Variants in GOT2 observed in about 807,000 individuals in gnomAD.
GOT2 encodes glutamic-oxaloacetic transaminase 2.
Under a neutral mutation model 50.0 loss-of-function variants are expected in GOT2, and 17 were observed. The ratio of observed to expected loss-of-function variants is 0.34; its 90% CI spans 0.23 to 0.51. GOT2 has a LOEUF of 0.51. GOT2 is among the 20% of genes least tolerant of loss of function. The probability of loss-of-function intolerance (pLI) is 0.97; values close to 1 mark genes in which losing one functional copy is unlikely to be tolerated. For missense variants in GOT2, 430 were observed against 559.6 expected, an observed-to-expected ratio of 0.77 and a Z score of 2.34; for synonymous variants, 172 against 204.9, an observed-to-expected ratio of 0.84 and a Z score of 1.37.
rs2044715149 is a variant in GOT2, at chr16:58,718,637, C to T, written c.487G>A (p.Gly163Arg). 2.5e-6 allele frequency: 4 copies of T among 1,606,266 alleles called. No homozygotes were observed. In the African/African-American group the frequency reaches 4.0e-5, roughly 16 times the overall value. Residue 163 changes from glycine (G) to arginine (R), a missense_variant, in exon 5 of 10, where the codon GGA (glycine) becomes AGA (arginine). Physicochemically the swap from Gly to Arg is moderately radical, Grantham distance 125. Coordinates refer to ENST00000245206, the MANE Select transcript of GOT2 (RefSeq NM_002080.4). ...TCCCTGAAGATGGGTGTGTGGTTTC[C>T]CCAGGTTGGTTTGGGCAGAAAGACA... Reference protein sequence around the residue: ...RDVFLPKPTWGNHTPIFRDAG... With the variant: ...RDVFLPKPTWRNHTPIFRDAG...
At chr16:58,722,589 C>T (rs562134127) in intron 2 of GOT2, among the ~76,000 whole-genome samples, 120 of 152,096 alleles carry the variant, frequency 7.9e-4, no homozygotes, top group Non-Finnish European at 1.4e-3. Context: ...AGGCTGGTCT[C>T]GAACTCCTGA....
chr16:58,711,280 G>T (rs2044645891), intron 8 of GOT2, among the ~76,000 whole-genome samples: 1 of 152,118 alleles, frequency 6.6e-6, no homozygotes, highest in African/African-American at 2.4e-5. Flanking sequence ...TATGCTAAAA[G>T]CCCCAAGGAG....
At chr16:58,709,213 A>G in intron 9 of GOT2, 1 of 470,108 alleles carries the variant, frequency 2.1e-6, no homozygotes, top group Non-Finnish European at 3.8e-6. Flanking sequence ...CAGTGAGCTG[A>G]GATTGCACCA....
intron 1 of GOT2, among the ~76,000 whole-genome samples, chr16:58,731,063 T>A (rs1176796440): frequency 4.6e-5 from 7 of 152,174 alleles, no homozygotes; most frequent in Admixed American, 4.6e-4. Flanking sequence ...CTTCTTACTT[T>A]AAAATCAGAA....
At chr16:58,720,573 C>T (rs1014453087) in intron 3 of GOT2, among the ~76,000 whole-genome samples, 2 of 146,918 alleles carry the variant, frequency 1.4e-5, no homozygotes, top group African/African-American at 2.6e-5. Flanking sequence ...CACAAAGGCA[C>T]AACAATTTTT....
chr16:58,716,577 CACA>C lies in GOT2; in HGVS notation c.853+83_853+85del. 18 of 1,137,744 alleles carry C rather than the reference CACA, an allele frequency of 1.6e-5. 1 individual carries two copies. The highest frequency in any genetic ancestry group is 2.3e-5 in the Non-Finnish European group (18 of 781,846). 70.5% of individuals were successfully genotyped at this position (1,137,744 alleles called of 1,614,324 possible). A position where few individuals can be genotyped will look rare whatever the true frequency, so the allele number is the denominator to read the frequency against. ...ATGGATGGACACACACACACACACACACACACACACACCCACAAGCTCTATGCC... is the reference window on the plus strand; with the variant it reads ...ATGGATGGACACACACACACACACACCACACACACCCACAAGCTCTATGCC... On this transcript the variant is annotated intron_variant, in intron 7 of 9. Coordinates refer to ENST00000245206, the MANE Select transcript of GOT2 (RefSeq NM_002080.4).
intron 1 of GOT2, among the ~76,000 whole-genome samples, chr16:58,724,107 C>A (rs1486314205): frequency 1.3e-5 from 2 of 152,062 alleles, no homozygotes; most frequent in Non-Finnish European, 2.9e-5. Flanking sequence ...GCATGCATTA[C>A]CACGTCAGCT....
At chr16:58,718,856 G>A (rs1296570858) in intron 4 of GOT2, among the ~76,000 whole-genome samples, 168 bp from the exon 5 acceptor site, 1 of 152,196 alleles carries the variant, frequency 6.6e-6, no homozygotes, top group Admixed American at 6.5e-5. Context: ...AATAGTCTCT[G>A]ACAGTTATAC....
intron 8 of GOT2, among the ~76,000 whole-genome samples, chr16:58,714,784 C>T (rs190265863): frequency 2.0e-5 from 3 of 152,008 alleles, no homozygotes; most frequent in Admixed American, 2.0e-4. Context: ...GTCTGGAAGA[C>T]AGTTTCAGTT....
rs1039284127 is a variant in GOT2, at chr16:58,716,597, C to T, written c.853+66G>A. ...ACACACACACACACACACCCACAAG[C>T]TCTATGCCCTCGTGGCATTCTCTCC... On this transcript the variant is annotated intron_variant, in intron 7 of 9. Transcript: ENST00000245206. 8 of 1,396,530 alleles carry T rather than the reference C, an allele frequency of 5.7e-6. No individual in the cohort carries two copies. The Admixed American group carries it at 1.1e-4, about 18-fold the overall frequency. The allele number at this position is 1,396,530 out of a possible 1,614,324, so 86.5% of individuals were successfully genotyped here.
chr16:58,713,368 G>A (rs2152094065), intron 8 of GOT2, among the ~76,000 whole-genome samples: 1 of 152,268 alleles, frequency 6.6e-6, no homozygotes, highest in Non-Finnish European at 1.5e-5. Context: ...GCTGGGTGCG[G>A]TGGCTCACAG....
At chr16:58,732,517 C>T (rs376267356) in intron 1 of GOT2, among the ~76,000 whole-genome samples, 1 of 152,038 alleles carries the variant, frequency 6.6e-6, no homozygotes, top group African/African-American at 2.4e-5. Flanking sequence ...CGTTGCATTA[C>T]GTGAAAAATC....
chr16:58,720,163 T>C (rs533005509), intron 3 of GOT2, among the ~76,000 whole-genome samples: 6 of 152,318 alleles, frequency 3.9e-5, no homozygotes, highest in African/African-American at 1.4e-4. Flanking sequence ...GATCGTGCTA[T>C]TGCACTCCAG....
chr16:58,711,362 CA>C (rs1311461214), intron 8 of GOT2, among the ~76,000 whole-genome samples: 2 of 152,186 alleles, frequency 1.3e-5, no homozygotes, highest in Non-Finnish European at 2.9e-5. Context: ...ATTCTGAATA[CA>C]ACCTTCCCCT....
intron 3 of GOT2, among the ~76,000 whole-genome samples, chr16:58,721,293 A>C (rs1006299017): frequency 2.0e-5 from 3 of 152,346 alleles, no homozygotes; most frequent in South Asian, 2.1e-4. Flanking sequence ...ACTCACTAAA[A>C]AACATGTTTT....
intron 7 of GOT2, 67 bp downstream of exon 7, chr16:58,716,596 G>T: frequency 9.6e-6 from 13 of 1,359,930 alleles, no homozygotes; most frequent in Non-Finnish European, 1.1e-5. Flanking sequence ...ACACCCACAA[G>T]CTCTATGCCC....
chr16:58,719,662 T>C (rs1053103407), intron 3 of GOT2, among the ~76,000 whole-genome samples: 1 of 151,440 alleles, frequency 6.6e-6, no homozygotes, highest in African/African-American at 2.4e-5. Flanking sequence ...GGCTGAGGCA[T>C]GAGAATTGCT....
chr16:58,732,644 T>C (rs2044844163), intron 1 of GOT2, among the ~76,000 whole-genome samples: 1 of 152,224 alleles, frequency 6.6e-6, no homozygotes, highest in Non-Finnish European at 1.5e-5. Context: ...ACTTACATTC[T>C]AGTAAGAAAA....
chr16:58,726,342 T>C (rs373406133), intron 1 of GOT2, among the ~76,000 whole-genome samples: 2 of 151,902 alleles, frequency 1.3e-5, no homozygotes, highest in East Asian at 1.9e-4. Context: ...CCTGCCACCA[T>C]GCGCAGCTAA....
Sources: gnomAD v4.1 joint callset for allele counts (sites outside exome capture counted in the v4.1 genomes callset) on GRCh38, gnomAD v4.1.1 for gene constraint, MANE v1.5 for transcripts, NCBI Gene and HGNC (gene_info 2026-07-23, HGNC 2026-07-21) for gene names.